Variants in RALGAPB observed in about 807,000 individuals in gnomAD.
RALGAPB encodes ral GTPase-activating protein subunit beta.
A neutral mutation model predicts 161.1 loss-of-function variants in RALGAPB; 25 were observed. The ratio of observed to expected loss-of-function variants is 0.16; its 90% CI spans 0.11 to 0.22. RALGAPB has a LOEUF of 0.22. Ranked by LOEUF, RALGAPB falls within the 10% of genes least tolerant of loss-of-function variation. The pLI is 1.00. For missense variants in RALGAPB, 1,391 were observed against 1,815.2 expected (o/e 0.77, Z 4.25); for synonymous variants, 629 against 626.1 (o/e 1.00, Z -0.07).
chr20:38,544,902 G>T (rs1192449944), intron 18 of RALGAPB, among the ~76,000 whole-genome samples: 8 of 151,884 alleles, frequency 5.3e-5, no homozygotes, highest in African/African-American at 1.9e-4. Context: ...AAATCCTTGA[G>T]TTTTTTTTCA....
chr20:38,522,105 A>G (rs2086307387), intron 10 of RALGAPB, among the ~76,000 whole-genome samples: 1 of 152,262 alleles, frequency 6.6e-6, no homozygotes, highest in Non-Finnish European at 1.5e-5. Flanking sequence ...TCCAGCAGGA[A>G]TTAGGATATT....
At chr20:38,561,249 G>A (rs773961746) in intron 23 of RALGAPB, among the ~76,000 whole-genome samples, 7 of 152,296 alleles carry the variant, frequency 4.6e-5, no homozygotes, top group South Asian at 2.1e-4. Context: ...GCGTGAACCC[G>A]GGAGGTGGAG....
intron 16 of RALGAPB, among the ~76,000 whole-genome samples, chr20:38,537,257 A>G (rs1202129725): frequency 1.3e-5 from 2 of 152,160 alleles, no homozygotes; most frequent in African/African-American, 4.8e-5. Flanking sequence ...GGTCTTTTCA[A>G]CCAGAGGTAC....
intron 18 of RALGAPB, among the ~76,000 whole-genome samples, chr20:38,543,871 C>T (rs189643387): frequency 1.1e-4 from 17 of 152,318 alleles, no homozygotes; most frequent in African/African-American, 2.9e-4. Context: ...CCCTGCTGCA[C>T]GGCATGGAGT....
At chr20:38,539,428 G>T (rs765543392) in intron 16 of RALGAPB, among the ~76,000 whole-genome samples, 5 of 152,186 alleles carry the variant, frequency 3.3e-5, no homozygotes, top group Non-Finnish European at 7.4e-5. Flanking sequence ...AGAACTTTCT[G>T]CAGAGCCTAG....
At chr20:38,520,672 C>CA (rs1413838329) in intron 9 of RALGAPB, among the ~76,000 whole-genome samples, 1 of 151,642 alleles carries the variant, frequency 6.6e-6, no homozygotes, top group African/African-American at 2.4e-5. Flanking sequence ...TGGGAAGTTG[C>CA]ATAAAGATTT....
At chr20:38,509,806 A>G (rs924906095) in intron 6 of RALGAPB, among the ~76,000 whole-genome samples, 5 of 151,982 alleles carry the variant, frequency 3.3e-5, no homozygotes, top group South Asian at 4.1e-4. Flanking sequence ...TTTTCCTTGC[A>G]TATCTTCTCT....
intron 14 of RALGAPB, among the ~76,000 whole-genome samples, chr20:38,532,246 A>T (rs904737732): frequency 7.2e-5 from 11 of 152,130 alleles, no homozygotes; most frequent in Non-Finnish European, 1.3e-4. Context: ...TTTAATAGAG[A>T]TGGGGTTTCA....
chr20:38,553,480 A>T (rs1034646634), intron 21 of RALGAPB, among the ~76,000 whole-genome samples: 15 of 152,092 alleles, frequency 9.9e-5, no homozygotes, highest in Admixed American at 2.6e-4. Context: ...TTACAGTGAA[A>T]ACATGAAGGA....
chr20:38,477,783 C>G (rs1396365882), intron 1 of RALGAPB, among the ~76,000 whole-genome samples: 1 of 152,150 alleles, frequency 6.6e-6, no homozygotes, highest in African/African-American at 2.4e-5. Flanking sequence ...TCTAGATAGG[C>G]ACTGCAGGTA....
chr20:38,525,012 C>T (rs1600943742), intron 11 of RALGAPB, 67 bp downstream of exon 11: 5 of 1,447,960 alleles, frequency 3.5e-6, no homozygotes, highest in Non-Finnish European at 4.8e-6. Context: ...TGCTTCCTCC[C>T]CAGTTTCCTA....
At chr20:38,480,416 T>A (rs2084932839) in intron 1 of RALGAPB, among the ~76,000 whole-genome samples, 1 of 146,332 alleles carries the variant, frequency 6.8e-6, no homozygotes, top group African/African-American at 2.6e-5. Context: ...AGATGGAGTC[T>A]CGCTCTGTCA....
intron 5 of RALGAPB, among the ~76,000 whole-genome samples, chr20:38,506,346 T>C (rs1247111689): frequency 6.6e-6 from 1 of 152,100 alleles, no homozygotes; most frequent in East Asian, 1.9e-4. Context: ...CAGGCTGGAA[T>C]GCAGTGGTGC....
intron 25 of RALGAPB, 60 bp from the exon 26 acceptor site, chr20:38,567,036 A>G (rs2088026412): frequency 6.5e-7 from 1 of 1,550,176 alleles, no homozygotes. Flanking sequence ...ATTAGTTTTA[A>G]CAGCCTTGCT....
At chr20:38,515,981 C>G (rs536926858) in intron 6 of RALGAPB, among the ~76,000 whole-genome samples, 1 of 152,188 alleles carries the variant, frequency 6.6e-6, no homozygotes, top group African/African-American at 2.4e-5. Context: ...CTTTGATTCT[C>G]ATGCTTGGAG....
At position 38,509,346 on chromosome 20, in the gene RALGAPB, A is replaced by C. The variant is rs547584069; in HGVS notation, c.872+138A>C. On this transcript the variant is annotated intron_variant, in intron 6 of 29. Transcript: ENST00000262879. The stretch of plus-strand genomic sequence containing the variant: ...TCAAATGGAATCCAGCTGGACAACA[A>C]GCACATTTCTGTCCTGTGCCTCCTG... 4 of 977,314 alleles carry C rather than the reference A, an allele frequency of 4.1e-6. No homozygotes were observed. The South Asian group carries it at 6.5e-5, about 16-fold the overall frequency. 60.5% of individuals were successfully genotyped at this position (977,314 alleles called of 1,614,324 possible).
chr20:38,505,353 C>T (rs1178576469), intron 5 of RALGAPB, among the ~76,000 whole-genome samples: 1 of 152,138 alleles, frequency 6.6e-6, no homozygotes, highest in East Asian at 1.9e-4. Flanking sequence ...CATGTTCTTA[C>T]TTATAAGTGG....
intron 6 of RALGAPB, 140 bp downstream of exon 6, chr20:38,509,348 C>T: frequency 1.0e-6 from 1 of 961,324 alleles, no homozygotes; most frequent in Non-Finnish European, 1.5e-6. Flanking sequence ...GGACAACAAG[C>T]ACATTTCTGT....
At chr20:38,482,051 A>G (rs888120884) in intron 1 of RALGAPB, among the ~76,000 whole-genome samples, 2 of 151,514 alleles carry the variant, frequency 1.3e-5, no homozygotes, top group Admixed American at 1.3e-4. Flanking sequence ...CAAAACTAGT[A>G]ATAGTCTTCT....
Sources: allele counts gnomAD v4.1 joint callset (sites outside exome capture counted in the v4.1 genomes callset), GRCh38; gene constraint gnomAD v4.1.1; transcripts MANE v1.5; gene names NCBI Gene and HGNC (gene_info 2026-07-23, HGNC 2026-07-21).